Variants in RBMX2 observed in about 807,000 individuals in gnomAD.
The protein encoded by RBMX2 is RNA-binding motif protein, X-linked 2.
For missense variants in RBMX2, 191 were observed against 256.0 expected, an observed-to-expected ratio of 0.75 and a Z score of 1.73; for synonymous variants, 77 against 94.3, an observed-to-expected ratio of 0.82 and a Z score of 1.07.
intron 2 of RBMX2, among the ~76,000 whole-genome samples, chrX:130,403,041 A>G (rs1485638948): frequency 8.9e-6 from 1 of 112,747 alleles, no homozygotes; most frequent in Non-Finnish European, 1.9e-5. Context: ...TTGGAGGGGA[A>G]ATTATTCCCT....
intron 4 of RBMX2, among the ~76,000 whole-genome samples, chrX:130,411,007 A>G (rs969904022): frequency 4.5e-5 from 5 of 112,028 alleles, no homozygotes; most frequent in South Asian, 3.7e-4. Flanking sequence ...TCTAAATCTC[A>G]GTCTTCCCTG....
intron 3 of RBMX2, among the ~76,000 whole-genome samples, chrX:130,408,235 C>T (rs1025547992): frequency 4.5e-5 from 5 of 111,465 alleles, no homozygotes; most frequent in African/African-American, 1.6e-4. Flanking sequence ...TGGCCTCAAA[C>T]AGCCCTCCCA....
chrX:130,402,160 C>T (rs2034458014), intron 1 of RBMX2, 95 bp from the exon 2 acceptor site: 10 of 1,158,599 alleles, frequency 8.6e-6, no homozygotes, highest in Middle Eastern at 2.5e-4. Context: ...TGGAACAGCT[C>T]GTCCCCTAGT....
At chrX:130,403,933 C>T in intron 3 of RBMX2, 80 bp downstream of exon 3, 1 of 1,010,417 alleles carries the variant, frequency 9.9e-7, no homozygotes, top group Non-Finnish European at 1.4e-6. Context: ...ATCACAAAAA[C>T]CACTTATTTT....
At chrX:130,402,226 C>CCCA in intron 1 of RBMX2, 29 bp from the exon 2 acceptor site, 3 of 835,630 alleles carry the variant, frequency 3.6e-6, no homozygotes, top group African/African-American at 2.1e-5. Context: ...TTTCTGCCTA[C>CCCA]CCTCCCCACC....
chrX:130,404,692 A>G (rs963079320), intron 3 of RBMX2, among the ~76,000 whole-genome samples: 3 of 113,040 alleles, frequency 2.7e-5, no homozygotes, highest in East Asian at 2.8e-4. Flanking sequence ...AGGGATTGCT[A>G]TGGGACCATC....
At chrX:130,402,872 T>G (rs2034463647) in intron 2 of RBMX2, among the ~76,000 whole-genome samples, 1 of 112,426 alleles carries the variant, frequency 8.9e-6, no homozygotes, top group Admixed American at 9.4e-5. Flanking sequence ...GTATTCACTT[T>G]ATATCACAAT....
At chrX:130,409,514 T>A in intron 4 of RBMX2, 128 bp downstream of exon 4, 1 of 669,302 alleles carries the variant, frequency 1.5e-6, no homozygotes, top group Non-Finnish European at 2.2e-6. Context: ...GCTGCAGAGA[T>A]GTGGAGACAC....
intron 1 of RBMX2, 30 bp from the exon 2 acceptor site, chrX:130,402,225 A>ACCCGCCCCCCCCC: frequency 1.0e-6 from 1 of 984,797 alleles, no homozygotes; most frequent in Non-Finnish European, 1.4e-6. Context: ...TTTTCTGCCT[A>ACCCGCCCCCCCCC]CCCTCCCCAC....
At position 130,407,060 on chromosome X, in the gene RBMX2, A is replaced by G. The variant is rs1007002625; in HGVS notation, c.174-2197A>G. 7.2e-5 allele frequency among the ~76,000 whole-genome samples: 8 copies of G among 110,490 alleles called. No homozygotes were observed. The Admixed American group carries it at 7.7e-4, about 11-fold the overall frequency. On this transcript the variant is annotated intron_variant, in intron 3 of 5. Coordinates refer to ENST00000305536, the MANE Select transcript of RBMX2 (RefSeq NM_016024.4). ...CTTAATTTGATATGTTATACTTATC[A>G]TTATTCTTTCTTGATGCTCAAATTT...
chrX:130,406,954 A>G (rs766971605), intron 3 of RBMX2, among the ~76,000 whole-genome samples: 7 of 111,271 alleles, frequency 6.3e-5, no homozygotes, highest in Non-Finnish European at 1.3e-4. Flanking sequence ...TTGGTGCTCA[A>G]AATGTTTCAG....
intron 4 of RBMX2, among the ~76,000 whole-genome samples, chrX:130,410,217 A>G (rs1367391616): frequency 2.7e-5 from 3 of 112,095 alleles, no homozygotes; most frequent in African/African-American, 9.7e-5. Context: ...TTCAAAATGG[A>G]GAAGAGGATA....
intron 2 of RBMX2, 23 bp from the exon 3 acceptor site, chrX:130,403,779 T>C (rs1256299058): frequency 1.7e-6 from 2 of 1,202,090 alleles, no homozygotes; most frequent in Admixed American, 4.3e-5. Flanking sequence ...TTGGTGGAAC[T>C]GAAATGTGGT....
chrX:130,402,225 A>ACCCAACC, intron 1 of RBMX2, 30 bp from the exon 2 acceptor site: 613 of 982,833 alleles, frequency 6.2e-4, no homozygotes, highest in Non-Finnish European at 7.8e-4. Flanking sequence ...TTTTCTGCCT[A>ACCCAACC]CCCTCCCCAC....
At chrX:130,402,680 G>A (rs761582872) in intron 2 of RBMX2, among the ~76,000 whole-genome samples, 8 of 111,516 alleles carry the variant, frequency 7.2e-5, no homozygotes, top group Non-Finnish European at 9.4e-5. Context: ...AGAAGTTAAG[G>A]GACTTCCTTA....
At chrX:130,411,144 TC>T in intron 4 of RBMX2, 1 of 312,715 alleles carries the variant, frequency 3.2e-6, no homozygotes, top group Non-Finnish European at 5.5e-6. Context: ...CCAGGCCTCA[TC>T]TGGCTGCACT....
chrX:130,402,464 T>TTCA, intron 2 of RBMX2, 94 bp downstream of exon 2: 1 of 1,113,903 alleles, frequency 9.0e-7, no homozygotes, highest in South Asian at 2.2e-5. Context: ...CCTGCTTACA[T>TTCA]TCATCGCCCA....
rs1298349347 is a variant in RBMX2, at chrX:130,413,529, G to T, written c.*681G>T. 9.1e-6 allele frequency among the ~76,000 whole-genome samples: 1 copy of T among 109,484 alleles called. No homozygotes were observed. Among genetic ancestry groups the T allele is most frequent in the African/African-American group, 3.3e-5 (1 of 30,009 alleles). On this transcript the variant is annotated 3_prime_UTR_variant, in exon 6 of 6. Coordinates refer to ENST00000305536, the MANE Select transcript of RBMX2 (RefSeq NM_016024.4). ...AAAACATTTTTTATCATCCCAAAAT[G>T]AAACCCTGTAGCCATTAAACAAGAG...
rs1399310865 is a variant in RBMX2 at position 130,413,533 on chromosome X, C to A, written c.*685C>A. On this transcript the variant is annotated 3_prime_UTR_variant, in exon 6 of 6. Coordinates refer to ENST00000305536, the MANE Select transcript of RBMX2 (RefSeq NM_016024.4). ...CATTTTTTATCATCCCAAAATGAAA[C>A]CCTGTAGCCATTAAACAAGAGCTCC... Among the ~76,000 whole-genome samples, 1 of 109,498 alleles carries A rather than the reference C, an allele frequency of 9.1e-6. No homozygotes were observed. The highest frequency in any genetic ancestry group is 1.9e-5 in the Non-Finnish European group (1 of 52,689).
Sources: allele counts gnomAD v4.1 joint callset (sites outside exome capture counted in the v4.1 genomes callset), GRCh38; gene constraint gnomAD v4.1.1; transcripts MANE v1.5; gene names NCBI Gene and HGNC (gene_info 2026-07-23, HGNC 2026-07-21).